TMEM117: variants seen among roughly 807,000 people sequenced by gnomAD.
The protein encoded by TMEM117 is transmembrane protein 117.
Under a neutral mutation model 52.4 loss-of-function variants are expected in TMEM117, and 27 were observed. The ratio of observed to expected loss-of-function variants is 0.51; its 90% CI spans 0.38 to 0.71. The LOEUF is 0.71. Ranked by LOEUF, TMEM117 falls within the 30% of genes least tolerant of loss-of-function variation. The pLI is 0.00. For missense variants in TMEM117, 556 were observed against 630.5 expected, an observed-to-expected ratio of 0.88 and a Z score of 1.26; for synonymous variants, 215 against 206.3, an observed-to-expected ratio of 1.04 and a Z score of -0.36.
At chr12:44,058,409 G>T (rs138639169) in intron 3 of TMEM117, among the ~76,000 whole-genome samples, 1 of 152,096 alleles carries the variant, frequency 6.6e-6, no homozygotes, top group Non-Finnish European at 1.5e-5. Context: ...GATATTACCT[G>T]GATCAATTTT....
At chr12:43,931,637 G>A (rs1944872678) in intron 2 of TMEM117, among the ~76,000 whole-genome samples, 1 of 152,136 alleles carries the variant, frequency 6.6e-6, no homozygotes, top group South Asian at 2.1e-4. Context: ...TTCTTGTATT[G>A]TCTAAAGTTT....
chr12:44,174,533 A>G (rs1038729986), intron 4 of TMEM117, among the ~76,000 whole-genome samples: 1 of 152,136 alleles, frequency 6.6e-6, no homozygotes, highest in Non-Finnish European at 1.5e-5. Flanking sequence ...TATCAATTAT[A>G]TTTGTTACTT....
chr12:43,883,228 C>G (rs1333086043), intron 2 of TMEM117, among the ~76,000 whole-genome samples: 4 of 152,092 alleles, frequency 2.6e-5, no homozygotes, highest in African/African-American at 9.7e-5. Context: ...TACATTTTCT[C>G]AAGAAGTGAT....
At chr12:44,334,977 A>T (rs1041767706) in intron 6 of TMEM117, among the ~76,000 whole-genome samples, 1 of 152,106 alleles carries the variant, frequency 6.6e-6, no homozygotes, top group Non-Finnish European at 1.5e-5. Flanking sequence ...GGGGCATTAT[A>T]ACATGAGGTA....
At chr12:44,160,978 T>G (rs2138253537) in intron 4 of TMEM117, among the ~76,000 whole-genome samples, 1 of 152,292 alleles carries the variant, frequency 6.6e-6, no homozygotes, top group African/African-American at 2.4e-5. Context: ...ATTAGGTATA[T>G]TATGATTATT....
At chr12:44,185,690 A>AT (rs1157064866) in intron 4 of TMEM117, among the ~76,000 whole-genome samples, 1 of 152,138 alleles carries the variant, frequency 6.6e-6, no homozygotes, top group Non-Finnish European at 1.5e-5. Context: ...ACCATGTGCA[A>AT]TGAATAGCAC....
At chr12:44,248,718 G>A (rs1028963025) in intron 5 of TMEM117, 16 of 166,330 alleles carry the variant, frequency 9.6e-5, no homozygotes, top group South Asian at 6.6e-4. Context: ...AATGATCCAG[G>A]TGCTGAGGGC....
chr12:43,920,191 A>G (rs779491591), intron 2 of TMEM117, among the ~76,000 whole-genome samples: 15 of 152,024 alleles, frequency 9.9e-5, no homozygotes, highest in Non-Finnish European at 1.8e-4. Context: ...AATTTTATAG[A>G]TTTTATCTCT....
chr12:43,826,969 G>A, the TMEM117 span, among the ~76,000 whole-genome samples: 1 of 151,774 alleles, frequency 6.6e-6, no homozygotes, highest in African/African-American at 2.4e-5. Context: ...ATACCCTTTT[G>A]ACATAGAGGA....
At chr12:44,383,632 AAAC>A (rs1364987183) in intron 7 of TMEM117, among the ~76,000 whole-genome samples, 2 of 152,216 alleles carry the variant, frequency 1.3e-5, no homozygotes, top group African/African-American at 4.8e-5. Context: ...TAGGTAGTTG[AAAC>A]AACAGGGGAA....
intron 4 of TMEM117, among the ~76,000 whole-genome samples, chr12:44,206,331 T>A (rs1949566207): frequency 6.6e-6 from 1 of 152,188 alleles, no homozygotes; most frequent in Non-Finnish European, 1.5e-5. Flanking sequence ...CTTGCCGTCA[T>A]TCCGGTAAAC....
chr12:44,168,580 G>C (rs907779173), intron 4 of TMEM117, among the ~76,000 whole-genome samples: 1 of 151,746 alleles, frequency 6.6e-6, no homozygotes. Flanking sequence ...TTCTTGTGTC[G>C]GGCTATTCTA....
At chr12:43,818,753 C>G in the TMEM117 span, among the ~76,000 whole-genome samples, 4 of 152,008 alleles carry the variant, frequency 2.6e-5, no homozygotes, top group Admixed American at 2.6e-4. Flanking sequence ...TGTATCTGTT[C>G]TTTTAATCTT....
chr12:44,212,524 G>A (rs953264459), intron 5 of TMEM117, among the ~76,000 whole-genome samples: 1 of 152,022 alleles, frequency 6.6e-6, no homozygotes, highest in East Asian at 1.9e-4. Context: ...CATACACTGA[G>A]GTTAACATAT....
intron 5 of TMEM117, among the ~76,000 whole-genome samples, chr12:44,264,145 T>C (rs955047115): frequency 2.6e-5 from 4 of 152,220 alleles, no homozygotes; most frequent in Non-Finnish European, 5.9e-5. Context: ...GATGAGTGTT[T>C]AGGAGATAAC....
chr12:43,880,947 C>A (rs1943885704), intron 2 of TMEM117, among the ~76,000 whole-genome samples: 1 of 152,096 alleles, frequency 6.6e-6, no homozygotes, highest in Non-Finnish European at 1.5e-5. Flanking sequence ...ATAAATAGGA[C>A]TTTTATGTTC....
chr12:44,175,972 TA>T (rs2138297587), intron 4 of TMEM117, among the ~76,000 whole-genome samples: 1 of 152,154 alleles, frequency 6.6e-6, no homozygotes, highest in South Asian at 2.1e-4. Context: ...GAGGTGAAGA[TA>T]AAGAACAGCA....
intron 7 of TMEM117, 71 bp from the exon 8 acceptor site, chr12:44,387,955 A>G: frequency 7.5e-7 from 1 of 1,335,046 alleles, no homozygotes; most frequent in Admixed American, 2.3e-5. Flanking sequence ...CATTATCCTC[A>G]TTTTATTGTA....
intron 3 of TMEM117, among the ~76,000 whole-genome samples, chr12:43,954,993 A>G (rs1043379594): frequency 2.6e-5 from 4 of 152,198 alleles, no homozygotes; most frequent in African/African-American, 9.6e-5. Context: ...ACGTAAATCA[A>G]TAATGCAATT....
Sources: allele counts gnomAD v4.1 joint callset (sites outside exome capture counted in the v4.1 genomes callset), GRCh38; gene constraint gnomAD v4.1.1; transcripts MANE v1.5; gene names NCBI Gene and HGNC (gene_info 2026-07-23, HGNC 2026-07-21).